The following SYCP3 variants were observed in gnomAD, a reference collection of about 807,000 sequenced individuals.
SYCP3 encodes synaptonemal complex protein 3.
In SYCP3, 29 loss-of-function variants were observed where a neutral mutation model predicts 38.5. The observed-to-expected ratio is 0.75, with a 90% CI of 0.56 to 1.03. SYCP3 has a LOEUF of 1.03. Among genes scored for constraint, SYCP3 ranks in the 50% least tolerant of loss-of-function variants. The pLI is 0.00. For synonymous variants in SYCP3, 79 were observed against 80.3 expected, an observed-to-expected ratio of 0.98 and a Z score of 0.08; for missense variants, 242 against 270.7, an observed-to-expected ratio of 0.89 and a Z score of 0.74.
chr12:101,739,140 T>TCCCAGGGTGTAGCGATGGGG (rs1319850244), intron 1 of SYCP3: 1 of 665,590 alleles, frequency 1.5e-6, no homozygotes, highest in African/African-American at 2.0e-5. Flanking sequence ...CTGTAAGTGG[T>TCCCAGGGTGTAGCGATGGGG]CCCAGGGTGT....
intron 4 of SYCP3, among the ~76,000 whole-genome samples, chr12:101,735,477 G>A (rs930255190): frequency 6.6e-6 from 1 of 151,942 alleles, no homozygotes; most frequent in African/African-American, 2.4e-5. Context: ...CCTGACCAAC[G>A]TGGTGAAAGC....
At chr12:101,729,080 A>G (rs763796842) in intron 8 of SYCP3, 29 bp downstream of exon 8, 66 of 1,607,420 alleles carry the variant, frequency 4.1e-5, no homozygotes, top group Non-Finnish European at 4.9e-5. Context: ...ATTAATCCTT[A>G]TTTTTTCAAT....
intron 4 of SYCP3, among the ~76,000 whole-genome samples, chr12:101,735,871 A>ATATATATATTTTTTTTTT: frequency 1.3e-5 from 1 of 74,790 alleles, no homozygotes; most frequent in African/African-American, 6.3e-5. Flanking sequence ...ATATATATAT[A>ATATATATATTTTTTTTTT]TTTTTTTTTT....
rs1179118220 is a variant in SYCP3 at position 101,735,867 on chromosome 12, A to ATTTTTT, written c.236-824_236-823insAAAAAA. On this transcript the variant is annotated intron_variant, in intron 4 of 8. Transcript: ENST00000392924. ...TAATCAATTTTATATATATATATAT[A>ATTTTTT]TATATTTTTTTTTTTTTAAAGACAC... 9.4e-4 allele frequency among the ~76,000 whole-genome samples: 59 copies of ATTTTTT among 63,078 alleles called. 1 individual carries two copies. Among genetic ancestry groups the ATTTTTT allele is most frequent in the African/African-American group, 4.0e-3 (53 of 13,180 alleles). The allele number at this position is 63,078 out of a possible 152,430, so 41.4% of individuals were successfully genotyped here.
intron 7 of SYCP3, among the ~76,000 whole-genome samples, chr12:101,731,325 A>G (rs995876444): frequency 2.6e-5 from 4 of 152,160 alleles, no homozygotes; most frequent in Admixed American, 1.3e-4. Context: ...TTTATGCATG[A>G]TAAGTATATT....
intron 1 of SYCP3, 118 bp downstream of exon 1, chr12:101,739,233 G>T: frequency 1.0e-6 from 1 of 992,176 alleles, no homozygotes. Context: ...CAGGTTCGCG[G>T]CCTCCGTTTT....
intron 2 of SYCP3, 131 bp from the exon 3 acceptor site, chr12:101,737,429 T>C: frequency 1.2e-6 from 1 of 862,460 alleles, no homozygotes; most frequent in South Asian, 1.5e-5. Flanking sequence ...AAAGCAGACA[T>C]AAAAATGCAA....
chr12:101,734,133 G>A (rs1168584134), intron 5 of SYCP3, among the ~76,000 whole-genome samples: 1 of 152,074 alleles, frequency 6.6e-6, no homozygotes, highest in Non-Finnish European at 1.5e-5. Context: ...AGTTAAGTCA[G>A]CTAAAACATA....
chr12:101,738,086 G>A, intron 1 of SYCP3, 134 bp from the exon 2 acceptor site: 1 of 1,050,770 alleles, frequency 9.5e-7, no homozygotes, highest in Admixed American at 2.3e-5. Context: ...TCATTTATTT[G>A]GGGGGCCAAA....
intron 4 of SYCP3, among the ~76,000 whole-genome samples, chr12:101,736,708 ATG>A (rs34377603): frequency 0.24 from 36,330 of 148,822 alleles, 4,279 homozygotes; most frequent in Middle Eastern, 0.33. Context: ...ATGTATGTAT[ATG>A]TGTGTGTGTG....
intron 8 of SYCP3, 59 bp from the exon 9 acceptor site, chr12:101,729,039 A>G (rs1323056201): frequency 6.2e-7 from 1 of 1,609,030 alleles, no homozygotes; most frequent in Non-Finnish European, 8.5e-7. Context: ...TGTTATACCT[A>G]TTTCAGCAAA....
In SYCP3 at chr12:101,731,636, G is replaced by T; in HGVS notation, c.484C>A (p.Gln162Lys). The T allele has an allele frequency of 6.2e-7, 1 of 1,602,478 alleles. No homozygotes were observed. ...NMFRQQQKILQQSRIVQSQRL... is the reference protein window; with the variant it reads ...NMFRQQQKILKQSRIVQSQRL... Reference sequence around the variant, plus strand: ...TGGCTCTGAACAATTCTAGATTGTTGAAGAATCTTTTGTTGCTGTCGAAAC... The same window carrying T: ...TGGCTCTGAACAATTCTAGATTGTTTAAGAATCTTTTGTTGCTGTCGAAAC... Residue 162 changes from glutamine to lysine, a missense_variant, in exon 7 of 9, where the codon CAA becomes AAA. By Grantham distance (53) the Gln-to-Lys change is moderately conservative. Coordinates refer to ENST00000392924, the MANE Select transcript of SYCP3 (RefSeq NM_001177949.2).
At chr12:101,738,561 ACC>A (rs1371516370) in intron 1 of SYCP3, among the ~76,000 whole-genome samples, 1 of 151,214 alleles carries the variant, frequency 6.6e-6, no homozygotes, top group South Asian at 2.1e-4. Context: ...ACATGGTGAA[ACC>A]CCGTCTCTAC....
Position 101,737,283 on chromosome 12 carries a change from A to G in SYCP3, c.149T>C (p.Ile50Thr), listed in dbSNP as rs1189127161. 3 of 1,609,784 alleles carry G rather than the reference A, an allele frequency of 1.9e-6. No homozygotes were observed. In the East Asian group the frequency reaches 6.7e-5, roughly 36 times the overall value. The change falls in exon 3 of 9, where the codon ATT becomes ACT. Residue 50 changes from isoleucine (I) to threonine (T), a missense_variant. By Grantham distance (89) the Ile-to-Thr change is moderately conservative. Coordinates refer to ENST00000392924, the MANE Select transcript of SYCP3 (RefSeq NM_001177949.2). ...AGACCTTTTCTTCCTACGTTTCTCA[A>G]TGACTGCAGTCTTCCCTGTATTGAC... The part of the protein sequence containing the change: ...EDVIEGKTAV[I>T]EKRRKKRSSA...
intron 3 of SYCP3, 62 bp downstream of exon 3, chr12:101,737,170 T>C: frequency 6.2e-7 from 1 of 1,604,692 alleles, no homozygotes; most frequent in Non-Finnish European, 8.5e-7. Flanking sequence ...CATATATTAT[T>C]TGTTAGCAAC....
chr12:101,729,386 A>C, intron 7 of SYCP3, 173 bp from the exon 8 acceptor site: 1 of 647,052 alleles, frequency 1.5e-6, no homozygotes, highest in Non-Finnish European at 2.6e-6. Flanking sequence ...TAAAAAAGAA[A>C]AAATATAAGA....
At chr12:101,737,736 A>G in intron 2 of SYCP3, 67 bp downstream of exon 2, 2 of 1,607,180 alleles carry the variant, frequency 1.2e-6, no homozygotes, top group Non-Finnish European at 8.5e-7. Context: ...AAGTTGTACG[A>G]TAGTCTCAAT....
In SYCP3 at chr12:101,728,662, CT is replaced by C. The variant is rs1952038682; in HGVS notation, c.*264del. 7.0e-6 allele frequency: 3 copies of C among 429,158 alleles called. No homozygotes were observed. Among genetic ancestry groups the C allele is most frequent in the South Asian group, 7.6e-5 (2 of 26,356 alleles). 26.6% of individuals were successfully genotyped at this position (429,158 alleles called of 1,614,324 possible). On this transcript the variant is annotated 3_prime_UTR_variant, in exon 9 of 9. Coordinates refer to ENST00000392924, the MANE Select transcript of SYCP3 (RefSeq NM_001177949.2). Reference sequence around the variant, plus strand: ...GAAGCCAAACCTAAAATTAAATCGTCTTTATTTAATTGACAGTGTTAGAGAG... The same window carrying C: ...GAAGCCAAACCTAAAATTAAATCGTCTTATTTAATTGACAGTGTTAGAGAG...
chr12:101,734,460 G>T (rs751199944), intron 5 of SYCP3, among the ~76,000 whole-genome samples: 7 of 152,106 alleles, frequency 4.6e-5, no homozygotes, highest in Non-Finnish European at 8.8e-5. Context: ...GGAAAAAAGT[G>T]ATCTTTATTG....
Sources: allele counts gnomAD v4.1 joint callset (sites outside exome capture counted in the v4.1 genomes callset), GRCh38; gene constraint gnomAD v4.1.1; transcripts MANE v1.5; gene names NCBI Gene and HGNC (gene_info 2026-07-23, HGNC 2026-07-21).